PCNT: variants seen among roughly 807,000 people sequenced by gnomAD.
PCNT encodes the protein pericentrin, also known as kendrin.
In PCNT, 319 loss-of-function variants were observed where a neutral mutation model predicts 380.4. The observed-to-expected ratio is 0.84, with a 90% CI of 0.77 to 0.92. The LOEUF is 0.92. Among genes scored for constraint, PCNT ranks in the 40% least tolerant of loss-of-function variants. The pLI is 0.00. For missense variants in PCNT, 4,400 were observed against 4,255.3 expected, an observed-to-expected ratio of 1.03 and a Z score of -0.95; for synonymous variants, 1,845 against 1,735.2, an observed-to-expected ratio of 1.06 and a Z score of -1.57.
At position 46,444,771 on chromosome 21, in the gene PCNT, A is replaced by G; in HGVS notation, c.9917A>G (p.Tyr3306Cys). The G allele has an allele frequency of 1.9e-6, 3 of 1,613,080 alleles. No homozygotes were observed. The highest frequency in any genetic ancestry group is 2.2e-5 in the South Asian group (2 of 91,058). ...GATCCAGAACATTCCTTGACAGAGT[A>G]TATTCACCATTTAGAAGTGATCCAG... Reference protein sequence around the residue: ...SQDPEHSLTEYIHHLEVIQQR... With the variant: ...SQDPEHSLTECIHHLEVIQQR... Residue 3306 changes from tyrosine to cysteine, a missense_variant, in exon 46 of 47, where the codon TAT becomes TGT. Tyr to Cys is a radical substitution (Grantham distance 194, BLOSUM62 -2). Transcript: ENST00000359568.
intron 31 of PCNT, among the ~76,000 whole-genome samples, chr21:46,419,042 C>A (rs1331272178): frequency 6.6e-6 from 1 of 152,160 alleles, no homozygotes. Flanking sequence ...GTTGTTGTGG[C>A]GGTTACCTGC....
At chr21:46,354,102 C>T (rs756742014) in intron 11 of PCNT, 34 bp downstream of exon 11, 4 of 1,576,326 alleles carry the variant, frequency 2.5e-6, no homozygotes, top group Admixed American at 3.3e-5. Flanking sequence ...TGGGGGAGTC[C>T]TGTGCTCTTG....
chr21:46,351,261 C>A (rs10154115), intron 8 of PCNT, among the ~76,000 whole-genome samples, 168 bp from the exon 9 acceptor site: 118 of 152,286 alleles, frequency 7.7e-4, no homozygotes, highest in African/African-American at 2.6e-3. Flanking sequence ...TTGTCACGGA[C>A]AGAGCTCTCT....
In PCNT at chr21:46,425,443, G is replaced by A. The variant is rs1180863174; in HGVS notation, c.7180-388G>A. Among the ~76,000 whole-genome samples, 2 of 152,246 alleles carry A rather than the reference G, an allele frequency of 1.3e-5. No homozygotes were observed. Among genetic ancestry groups the A allele is most frequent in the East Asian group, 3.9e-4 (2 of 5,188 alleles). On this transcript the variant is annotated intron_variant, in intron 32 of 46. Transcript: ENST00000359568. This position sits in a 1 kb window ranked among gnomAD's most constrained non-coding sequence, Gnocchi z 4.2. ...TCTCGTAGCGTCCCAGGTGGGCAGG[G>A]AGTGTGTGATATGTTTGTGATCTCG... is the stretch of plus-strand genomic sequence containing the variant.
intron 31 of PCNT, among the ~76,000 whole-genome samples, chr21:46,421,660 T>G (rs977953961): frequency 6.6e-6 from 1 of 152,238 alleles, no homozygotes; most frequent in Non-Finnish European, 1.5e-5. Context: ...CTGGGTTTTG[T>G]GGAGTCTTTG....
At chr21:46,419,580 C>T (rs1214635076) in intron 31 of PCNT, among the ~76,000 whole-genome samples, 3 of 152,214 alleles carry the variant, frequency 2.0e-5, no homozygotes, top group Non-Finnish European at 4.4e-5. Context: ...GCGTGCGTCC[C>T]CCTCGAGCCA....
chr21:46,378,349 A>T (rs543515943), intron 15 of PCNT, among the ~76,000 whole-genome samples: 4 of 152,048 alleles, frequency 2.6e-5, no homozygotes, highest in African/African-American at 9.7e-5. Context: ...GCATCACTCT[A>T]TGGTGTCTCT....
chr21:46,352,522 C>T (rs1009130601), intron 9 of PCNT, among the ~76,000 whole-genome samples: 5 of 152,156 alleles, frequency 3.3e-5, no homozygotes, highest in Non-Finnish European at 7.3e-5. Context: ...CTCTGGGGTG[C>T]CCGTTGCTGG....
chr21:46,355,320 A>C, intron 11 of PCNT, 132 bp from the exon 12 acceptor site: 6 of 936,228 alleles, frequency 6.4e-6, no homozygotes, highest in Non-Finnish European at 6.9e-6. Context: ...ACCAGGGCGC[A>C]GCGTGTGGTC....
chr21:46,381,837 G>A lies in PCNT; in HGVS notation c.3309G>A (p.Gln1103=). 2.5e-6 allele frequency: 4 copies of A among 1,614,134 alleles called. No individual in the cohort carries two copies. Among genetic ancestry groups the A allele is most frequent in the Non-Finnish European group, 3.4e-6 (4 of 1,179,962 alleles). Reference sequence around the variant, plus strand: ...TTCAAAAGAAGAATCACCAAGTCCAGCAGGTGTGTGGAATACGCTGTTCCC... The same window carrying A: ...TTCAAAAGAAGAATCACCAAGTCCAACAGGTGTGTGGAATACGCTGTTCCC... ...LQLQKKNHQV[Q]QLKDQVLSLS... The change falls in exon 16 of 47, where the codon CAG becomes CAA. Residue 1103 remains glutamine, a synonymous_variant. Transcript: ENST00000359568.
chr21:46,395,428 A>G (rs960099464), intron 21 of PCNT, among the ~76,000 whole-genome samples: 1 of 150,428 alleles, frequency 6.6e-6, no homozygotes, highest in Non-Finnish European at 1.5e-5. Context: ...CTCAGAAATA[A>G]TAGTAATAAA....
At chr21:46,379,008 C>T (rs899516252) in intron 15 of PCNT, among the ~76,000 whole-genome samples, 1 of 152,204 alleles carries the variant, frequency 6.6e-6, no homozygotes, top group African/African-American at 2.4e-5. Flanking sequence ...TCGTTTCTTC[C>T]TGGAAATTCA....
chr21:46,445,195 G>C, intron 46 of PCNT, 89 bp from the exon 47 acceptor site: 2 of 885,052 alleles, frequency 2.3e-6, no homozygotes, highest in Non-Finnish European at 3.9e-6. Context: ...CATGAATTCA[G>C]TGATAGTGTT....
intron 3 of PCNT, among the ~76,000 whole-genome samples, chr21:46,344,261 A>G (rs1343135936): frequency 6.6e-6 from 1 of 151,788 alleles, no homozygotes; most frequent in Non-Finnish European, 1.5e-5. Flanking sequence ...TTTTTGGTAG[A>G]GAGAGGGTTT....
In PCNT at chr21:46,375,789, C is replaced by T. The variant is rs115434506; in HGVS notation, c.3166-5905C>T. On this transcript the variant is annotated intron_variant, in intron 15 of 46. Coordinates refer to ENST00000359568, the MANE Select transcript of PCNT (RefSeq NM_006031.6). ...TGGGGGCTGTCCCCCCGCGGGGAGCCGCCTCATTTGGCCTCCACCACCTCC... is the reference window on the plus strand; with the variant it reads ...TGGGGGCTGTCCCCCCGCGGGGAGCTGCCTCATTTGGCCTCCACCACCTCC... Among the ~76,000 whole-genome samples, 1,059 of 152,352 alleles carry T rather than the reference C, an allele frequency of 7.0e-3. 11 individuals carry two copies. The highest frequency in any genetic ancestry group is 0.023 in the African/African-American group (938 of 41,582).
chr21:46,416,414 T>C lies in PCNT; in HGVS notation c.6496T>C (p.Trp2166Arg). ...GGGTGTAACTGATGTTATCAAAAAT[T>C]GGGATTCCTTGATACCAGATGAAAT... ...PGGVTDVIKNWDSLIPDEMPD... is the reference protein window; with the variant it reads ...PGGVTDVIKNRDSLIPDEMPD... The change falls in exon 30 of 47, where the codon TGG becomes CGG. Residue 2166 changes from tryptophan (W) to arginine (R), a missense_variant. Physicochemically the swap from Trp to Arg is moderately radical, Grantham distance 101. Coordinates refer to ENST00000359568, the MANE Select transcript of PCNT (RefSeq NM_006031.6). 6.2e-7 allele frequency: 1 copy of C among 1,614,148 alleles called. No individual in the cohort carries two copies. The highest frequency in any genetic ancestry group is 2.2e-5 in the East Asian group (1 of 44,882).
intron 28 of PCNT, 26 bp from the exon 29 acceptor site, chr21:46,412,811 A>G (rs199828473): frequency 6.2e-7 from 1 of 1,608,048 alleles, no homozygotes; most frequent in East Asian, 2.2e-5. Context: ...CTGCATGCTC[A>G]GCTTTCCTCT....
chr21:46,327,951 G>C (rs1365679821), intron 2 of PCNT, among the ~76,000 whole-genome samples: 1 of 152,152 alleles, frequency 6.6e-6, no homozygotes, highest in Admixed American at 6.5e-5. Context: ...GGGCTCCTTG[G>C]GGGCCTACAA....
At chr21:46,439,236 A>G (rs1325359561) in intron 41 of PCNT, among the ~76,000 whole-genome samples, 1 of 152,140 alleles carries the variant, frequency 6.6e-6, no homozygotes, top group African/African-American at 2.4e-5. Context: ...CCCCAAAAAG[A>G]GCAGCAGGCA....
Sources: gnomAD v4.1 joint callset for allele counts (sites outside exome capture counted in the v4.1 genomes callset) on GRCh38, gnomAD v4.1.1 for gene constraint, Gnocchi (gnomAD v3.1) non-coding constraint, MANE v1.5 for transcripts, NCBI Gene and HGNC (gene_info 2026-07-23, HGNC 2026-07-21) for gene names.